The following NADSYN1 variants were observed in gnomAD, a reference collection of about 807,000 sequenced individuals.
NADSYN1 encodes NAD synthetase 1.
In NADSYN1, 80 loss-of-function variants were observed where a neutral mutation model predicts 99.3. That is an observed-to-expected ratio of 0.81 (90% confidence interval 0.67 to 0.97). The LOEUF (loss-of-function observed/expected upper bound fraction) is 0.97, where lower values mean the gene tolerates loss of function less well. Among genes scored for constraint, NADSYN1 ranks in the 50% least tolerant of loss-of-function variants. The probability of loss-of-function intolerance (pLI) is 0.00; values close to 1 mark genes in which losing one functional copy is unlikely to be tolerated. For synonymous variants in NADSYN1, 385 were observed against 372.1 expected (o/e 1.03, Z -0.40); for missense variants, 859 against 948.5 (o/e 0.91, Z 1.24).
chr11:71,477,084 A>G (rs1333513666), intron 9 of NADSYN1: 15 of 1,114,048 alleles, frequency 1.3e-5, no homozygotes, highest in Non-Finnish European at 1.6e-5. Context: ...ACGTGGAATC[A>G]TTTCAGAGTC....
At chr11:71,473,517 C>A (rs1019248335) in intron 7 of NADSYN1, 52 bp from the exon 8 acceptor site, 1 of 1,558,874 alleles carries the variant, frequency 6.4e-7, no homozygotes, top group African/African-American at 1.4e-5. Flanking sequence ...GCCAGGGAGG[C>A]TGGTTTGGAG....
intron 17 of NADSYN1, 132 bp downstream of exon 17, chr11:71,491,108 G>A: frequency 1.6e-6 from 2 of 1,237,730 alleles, no homozygotes; most frequent in South Asian, 2.9e-5. Context: ...CCCTGAGCTG[G>A]CACTTGAGGC....
intron 18 of NADSYN1, among the ~76,000 whole-genome samples, chr11:71,496,185 A>G (rs1949817441): frequency 6.6e-6 from 1 of 152,184 alleles, no homozygotes; most frequent in Admixed American, 6.5e-5. Context: ...GCGTAAAACA[A>G]CAGGAATTGC....
chr11:71,476,990 G>A (rs1462892946), intron 9 of NADSYN1: 1 of 1,042,674 alleles, frequency 9.6e-7, no homozygotes, highest in South Asian at 3.2e-5. Context: ...ATTCAGAGTG[G>A]CCGCGCTGTC....
chr11:71,484,765 G>A, intron 15 of NADSYN1: 1 of 341,216 alleles, frequency 2.9e-6, no homozygotes, highest in Non-Finnish European at 5.6e-6. Flanking sequence ...GCAAGAGGGT[G>A]TGTCTGAGCC....
intron 5 of NADSYN1, among the ~76,000 whole-genome samples, chr11:71,468,964 G>A (rs187805748): frequency 1.8e-4 from 27 of 152,302 alleles, no homozygotes; most frequent in East Asian, 1.2e-3. Context: ...TTATGGGAGG[G>A]CATTATTGAC....
intron 5 of NADSYN1, among the ~76,000 whole-genome samples, chr11:71,471,174 C>T (rs1417646569): frequency 2.0e-5 from 3 of 152,158 alleles, no homozygotes; most frequent in Admixed American, 6.5e-5. Context: ...TCACACTGGG[C>T]CCTCTGGGAT....
Position 71,497,628 on chromosome 11 carries a change from G to T in NADSYN1, c.1893+17G>T, listed in dbSNP as rs373347876. ...CCGAGACAGGTAAAGCCTGTGAGAC[G>T]CATCACAGAGGGAGGCCAGTTAGGT... is the stretch of plus-strand genomic sequence containing the variant. On this transcript the variant is annotated intron_variant, in intron 19 of 20. Coordinates refer to ENST00000319023, the MANE Select transcript of NADSYN1 (RefSeq NM_018161.5). 1 of 1,613,716 alleles carries T rather than the reference G, an allele frequency of 6.2e-7. No individual in the cohort carries two copies.
intron 14 of NADSYN1, among the ~76,000 whole-genome samples, chr11:71,483,419 C>T (rs1354175109): frequency 6.6e-6 from 1 of 152,152 alleles, no homozygotes; most frequent in African/African-American, 2.4e-5. Context: ...CGTATGTGCT[C>T]ACCAGGGTGT....
At chr11:71,463,074 G>T (rs1299378778) in intron 3 of NADSYN1, among the ~76,000 whole-genome samples, 1 of 152,208 alleles carries the variant, frequency 6.6e-6, no homozygotes, top group African/African-American at 2.4e-5. Flanking sequence ...GACAGGTGCT[G>T]AAAAGTGGAT....
intron 5 of NADSYN1, among the ~76,000 whole-genome samples, chr11:71,469,183 T>A (rs553200108): frequency 1.3e-5 from 2 of 152,258 alleles, no homozygotes; most frequent in East Asian, 3.9e-4. Flanking sequence ...AAAGGCCAGG[T>A]GTGGTGGCTC....
At chr11:71,453,458 G>T (rs1949493606) in intron 1 of NADSYN1, 77 bp downstream of exon 1, 26 of 1,344,656 alleles carry the variant, frequency 1.9e-5, no homozygotes, top group Non-Finnish European at 2.4e-5. Flanking sequence ...TGCCCGTGGC[G>T]TGCTCACAGC....
At chr11:71,465,868 G>T (rs1303657605) in intron 5 of NADSYN1, among the ~76,000 whole-genome samples, 2 of 152,130 alleles carry the variant, frequency 1.3e-5, no homozygotes, top group Non-Finnish European at 2.9e-5. Context: ...CTGTTGGTTA[G>T]TCTGTTGATT....
At chr11:71,481,540 T>G in intron 12 of NADSYN1, 136 bp downstream of exon 12, 1 of 910,250 alleles carries the variant, frequency 1.1e-6, no homozygotes. Context: ...TCTGCCTCCA[T>G]GGGGAGCTTA....
intron 2 of NADSYN1, among the ~76,000 whole-genome samples, chr11:71,457,555 G>A (rs1404831339): frequency 1.3e-5 from 2 of 152,324 alleles, no homozygotes; most frequent in South Asian, 4.1e-4. Context: ...TGTGGCTGCC[G>A]AAACAGATAG....
chr11:71,464,361 C>G (rs935351348), intron 5 of NADSYN1: 1 of 489,080 alleles, frequency 2.0e-6, no homozygotes, highest in Non-Finnish European at 3.7e-6. Flanking sequence ...AGGGTGGGAG[C>G]AGCCCCGGCA....
At chr11:71,453,912 C>T (rs1187308143) in intron 1 of NADSYN1, among the ~76,000 whole-genome samples, 2 of 152,150 alleles carry the variant, frequency 1.3e-5, no homozygotes, top group Non-Finnish European at 2.9e-5. Flanking sequence ...CAAGACCAGC[C>T]TGGCCATCAT....
rs143306679 is a variant in NADSYN1, at chr11:71,484,414, C to T, written c.1422C>T (p.Ser474=). ...CTCTGTTTGCAGCTCATGGAGGAAG[C>T]AGCAGGGAAAACCTGGCGCTGCAAA... ...KSPLFAAHGG[S]SRENLALQNV... The change falls in exon 15 of 21, where the codon AGC becomes AGT. Residue 474 remains serine (S), a synonymous_variant. Transcript: ENST00000319023. 8.1e-6 allele frequency: 13 copies of T among 1,614,134 alleles called. No homozygotes were observed. Among genetic ancestry groups the T allele is most frequent in the African/African-American group, 1.3e-5 (1 of 75,064 alleles).
chr11:71,480,617 G>T lies in NADSYN1; in HGVS notation c.874-138G>T, dbSNP rs372934645. 3 of 1,277,076 alleles carry T rather than the reference G, an allele frequency of 2.3e-6. No homozygotes were observed. The South Asian group carries it at 4.0e-5, about 17-fold the overall frequency. The allele number at this position is 1,277,076 out of a possible 1,614,324, so 79.1% of individuals were successfully genotyped here. A position where few individuals can be genotyped will look rare whatever the true frequency, so the allele number is the denominator to read the frequency against. Reference sequence around the variant, plus strand: ...GGTCGCTTTGCTTCTCGCCATCCTCGTGGGAGTGAGGGTGGCCTCACTGTG... The same window carrying T: ...GGTCGCTTTGCTTCTCGCCATCCTCTTGGGAGTGAGGGTGGCCTCACTGTG... On this transcript the variant is annotated intron_variant, in intron 10 of 20. Coordinates refer to ENST00000319023, the MANE Select transcript of NADSYN1 (RefSeq NM_018161.5).
Sources: allele counts gnomAD v4.1 joint callset (sites outside exome capture counted in the v4.1 genomes callset), GRCh38; gene constraint gnomAD v4.1.1; transcripts MANE v1.5; gene names NCBI Gene and HGNC (gene_info 2026-07-23, HGNC 2026-07-21).